The following RPS6KC1 variants were observed in gnomAD, a reference collection of about 807,000 sequenced individuals.
The protein encoded by RPS6KC1 is inactive ribosomal protein S6 kinase delta-1.
Under a neutral mutation model 103.8 loss-of-function variants are expected in RPS6KC1, and 54 were observed. The observed-to-expected ratio is 0.52, with a 90% CI of 0.42 to 0.65. The LOEUF (loss-of-function observed/expected upper bound fraction) is 0.65, where lower values mean the gene tolerates loss of function less well. Among genes scored for constraint, RPS6KC1 ranks in the 30% least tolerant of loss-of-function variants. The probability of loss-of-function intolerance (pLI) is 0.00; values close to 1 mark genes in which losing one functional copy is unlikely to be tolerated. For missense variants in RPS6KC1, 1,151 were observed against 1,253.8 expected (o/e 0.92, Z 1.24); for synonymous variants, 439 against 438.7 (o/e 1.00, Z -0.01).
rs114502228 is a variant in RPS6KC1 at position 213,142,867 on chromosome 1, G to C, written c.835+12978G>C. On this transcript the variant is annotated intron_variant, in intron 6 of 14. Coordinates refer to ENST00000366960, the MANE Select transcript of RPS6KC1 (RefSeq NM_012424.6). Reference sequence around the variant, plus strand: ...GTAGTACACTATGAATGGTGTAAACGTAATTATTATATGCACCGGGAAACA... The same window carrying C: ...GTAGTACACTATGAATGGTGTAAACCTAATTATTATATGCACCGGGAAACA... Among the ~76,000 whole-genome samples the C allele has an allele frequency of 3.6e-3, 547 of 152,114 alleles. 8 individuals carry two copies. Among genetic ancestry groups the C allele is most frequent in the African/African-American group, 0.012 (513 of 41,524 alleles).
chr1:213,197,546 A>G (rs988329519), intron 8 of RPS6KC1, among the ~76,000 whole-genome samples: 2 of 151,908 alleles, frequency 1.3e-5, no homozygotes, highest in Non-Finnish European at 2.9e-5. Flanking sequence ...GTATGTATGT[A>G]TGTATGTATG....
chr1:213,606,409 C>G, the RPS6KC1 span, among the ~76,000 whole-genome samples: 1 of 152,216 alleles, frequency 6.6e-6, no homozygotes, highest in Admixed American at 6.5e-5. Context: ...TTGTCACATT[C>G]TGTTCCTGGG....
intron 10 of RPS6KC1, among the ~76,000 whole-genome samples, chr1:213,233,093 G>T (rs1414487165): frequency 6.6e-6 from 1 of 152,106 alleles, no homozygotes; most frequent in East Asian, 1.9e-4. Context: ...TTTAGGAAAA[G>T]AAGTCATTGC....
At chr1:213,592,573 A>G in the RPS6KC1 span, among the ~76,000 whole-genome samples, 1 of 152,166 alleles carries the variant, frequency 6.6e-6, no homozygotes, top group Non-Finnish European at 1.5e-5. Context: ...TACCTTATTC[A>G]TGTACCACTT....
chr1:213,511,181 CTTT>C, the RPS6KC1 span, among the ~76,000 whole-genome samples: 3 of 147,686 alleles, frequency 2.0e-5, no homozygotes, highest in East Asian at 2.0e-4. Context: ...TGAGGAATGT[CTTT>C]TTTTTTTTTT....
chr1:213,739,629 A>G, the RPS6KC1 span, among the ~76,000 whole-genome samples: 6 of 151,984 alleles, frequency 3.9e-5, no homozygotes, highest in Admixed American at 3.3e-4. Context: ...TAAAAAAAAG[A>G]TCTTAAAACC....
At chr1:213,373,529 CA>C in the RPS6KC1 span, among the ~76,000 whole-genome samples, 2 of 151,888 alleles carry the variant, frequency 1.3e-5, no homozygotes, top group African/African-American at 4.8e-5. Context: ...AACAAAACAA[CA>C]AAAAAAGAAA....
chr1:213,356,850 G>C, the RPS6KC1 span, among the ~76,000 whole-genome samples: 1 of 152,076 alleles, frequency 6.6e-6, no homozygotes, highest in South Asian at 2.1e-4. Context: ...GCCTGGGGAA[G>C]AGGTTCTCAA....
At chr1:213,562,359 G>GTTTTTTTTTTTTTT in the RPS6KC1 span, among the ~76,000 whole-genome samples, 1 of 36,278 alleles carries the variant, frequency 2.8e-5, no homozygotes, top group African/African-American at 1.2e-4. Context: ...GAAAAGTTCT[G>GTTTTTTTTTTTTTT]TTTTTTTTTT....
At chr1:213,762,924 T>A in the RPS6KC1 span, among the ~76,000 whole-genome samples, 1 of 151,428 alleles carries the variant, frequency 6.6e-6, no homozygotes, top group East Asian at 1.9e-4. Context: ...TGCAGTGGCA[T>A]GATCTCAGCT....
At chr1:213,318,556 T>G in the RPS6KC1 span, among the ~76,000 whole-genome samples, 2 of 152,254 alleles carry the variant, frequency 1.3e-5, no homozygotes, top group Non-Finnish European at 1.5e-5. Context: ...TAGTCTGTTT[T>G]CACACTGCTA....
At chr1:213,526,559 T>G in the RPS6KC1 span, among the ~76,000 whole-genome samples, 1 of 152,092 alleles carries the variant, frequency 6.6e-6, no homozygotes, top group African/African-American at 2.4e-5. Flanking sequence ...AAAATGATGG[T>G]ATGTGTGCTC....
At chr1:213,765,641 C>A in the RPS6KC1 span, among the ~76,000 whole-genome samples, 1 of 152,134 alleles carries the variant, frequency 6.6e-6, no homozygotes, top group Middle Eastern at 3.4e-3. Flanking sequence ...GGCAAATAAA[C>A]GTCAGGCACA....
the RPS6KC1 span, among the ~76,000 whole-genome samples, chr1:213,673,675 G>A: frequency 7.2e-5 from 11 of 152,136 alleles, no homozygotes; most frequent in Non-Finnish European, 1.3e-4. Context: ...TTTTCTGCCT[G>A]TATTATGTGG....
At chr1:213,255,390 G>A (rs769407028) in intron 12 of RPS6KC1, among the ~76,000 whole-genome samples, 1 of 151,642 alleles carries the variant, frequency 6.6e-6, no homozygotes, top group Non-Finnish European at 1.5e-5. Flanking sequence ...TCAAATTTGA[G>A]GTAGGAGTTA....
chr1:213,410,642 A>G, the RPS6KC1 span, among the ~76,000 whole-genome samples: 1 of 152,244 alleles, frequency 6.6e-6, no homozygotes, highest in Non-Finnish European at 1.5e-5. Context: ...TGGCTGCAGG[A>G]GCAGGGGAGT....
the RPS6KC1 span, among the ~76,000 whole-genome samples, chr1:213,445,263 A>G: frequency 3.0e-4 from 46 of 152,168 alleles, no homozygotes; most frequent in Admixed American, 7.2e-4. Context: ...AGTGGATGTT[A>G]AGGTTGTTTC....
At chr1:213,695,255 G>A in the RPS6KC1 span, among the ~76,000 whole-genome samples, 1 of 152,250 alleles carries the variant, frequency 6.6e-6, no homozygotes, top group Non-Finnish European at 1.5e-5. Flanking sequence ...ATGTCCTACA[G>A]TGGCACAGTG....
the RPS6KC1 span, among the ~76,000 whole-genome samples, chr1:213,554,690 T>C: frequency 7.8e-4 from 118 of 152,158 alleles, no homozygotes; most frequent in Admixed American, 2.2e-3. Context: ...TTCTGAATGG[T>C]CTCCAGTCTC....
Sources: allele counts gnomAD v4.1 joint callset (sites outside exome capture counted in the v4.1 genomes callset), GRCh38; gene constraint gnomAD v4.1.1; transcripts MANE v1.5; gene names NCBI Gene and HGNC (gene_info 2026-07-23, HGNC 2026-07-21).